Variants in SUCLG2 observed in about 807,000 individuals in gnomAD.
SUCLG2 encodes succinate-CoA ligase GDP-forming subunit beta.
A neutral mutation model predicts 47.9 loss-of-function variants in SUCLG2; 42 were observed. The observed-to-expected ratio is 0.88, with a 90% CI of 0.69 to 1.14. The LOEUF (loss-of-function observed/expected upper bound fraction) is 1.14, where lower values mean the gene tolerates loss of function less well. Ranked by LOEUF, SUCLG2 falls within the 50% of genes most tolerant of loss-of-function variation. The probability of loss-of-function intolerance (pLI) is 0.00; values close to 1 mark genes in which losing one functional copy is unlikely to be tolerated. For synonymous variants in SUCLG2, 195 were observed against 197.3 expected (o/e 0.99, Z 0.10); for missense variants, 571 against 525.9 (o/e 1.09, Z -0.84).
At chr3:67,598,687 C>T (rs1197447005) in intron 2 of SUCLG2, among the ~76,000 whole-genome samples, 1 of 152,172 alleles carries the variant, frequency 6.6e-6, no homozygotes, top group African/African-American at 2.4e-5. Flanking sequence ...CCCTGCATCA[C>T]CCAGTGTATG....
At chr3:67,438,891 G>T (rs1403752964) in intron 9 of SUCLG2, among the ~76,000 whole-genome samples, 1 of 152,138 alleles carries the variant, frequency 6.6e-6, no homozygotes, top group Non-Finnish European at 1.5e-5. Context: ...GTTTTATAAG[G>T]ACTGCATCAT....
At chr3:67,429,120 G>A (rs7617258) in intron 9 of SUCLG2, among the ~76,000 whole-genome samples, 2,414 of 152,180 alleles carry the variant, frequency 0.016, 80 homozygotes, top group African/African-American at 0.055. Context: ...GATACTCCTC[G>A]AGAAGAGCAA....
At chr3:67,498,386 G>C in intron 7 of SUCLG2, 91 bp from the exon 8 acceptor site, 1 of 1,323,448 alleles carries the variant, frequency 7.6e-7, no homozygotes, top group Non-Finnish European at 1.0e-6. Flanking sequence ...CGAAGGGAAA[G>C]TTAAGTACTG....
At chr3:67,536,483 T>A (rs564724986) in intron 2 of SUCLG2, among the ~76,000 whole-genome samples, 1 of 152,214 alleles carries the variant, frequency 6.6e-6, no homozygotes, top group South Asian at 2.1e-4. Flanking sequence ...TTCACTGCCA[T>A]CATTCACTGC....
chr3:67,410,579 A>G (rs1259566341), intron 9 of SUCLG2, among the ~76,000 whole-genome samples: 1 of 152,190 alleles, frequency 6.6e-6, no homozygotes, highest in Admixed American at 6.6e-5. Flanking sequence ...CCATTTGGAC[A>G]TTTAGAATGG....
chr3:67,581,512 A>C (rs1707877228), intron 2 of SUCLG2, among the ~76,000 whole-genome samples: 1 of 152,228 alleles, frequency 6.6e-6, no homozygotes, highest in African/African-American at 2.4e-5. Context: ...GATGGCTGCA[A>C]TTCTTTGCTT....
At chr3:67,536,103 A>G (rs1389755793) in intron 2 of SUCLG2, among the ~76,000 whole-genome samples, 1 of 152,194 alleles carries the variant, frequency 6.6e-6, no homozygotes, top group Admixed American at 6.5e-5. Flanking sequence ...GACCATAACC[A>G]GTGATGAGGA....
intron 10 of SUCLG2, among the ~76,000 whole-genome samples, chr3:67,360,951 T>C (rs1405647396): frequency 6.6e-6 from 1 of 152,218 alleles, no homozygotes; most frequent in Non-Finnish European, 1.5e-5. Flanking sequence ...TGTCTCTCTC[T>C]CGTTTATTGG....
At chr3:67,482,000 G>A (rs954213591) in intron 9 of SUCLG2, among the ~76,000 whole-genome samples, 11 of 152,192 alleles carry the variant, frequency 7.2e-5, no homozygotes, top group Admixed American at 3.9e-4. Flanking sequence ...CCAACAAGGC[G>A]AAGCCCTGTG....
chr3:67,442,015 T>TC (rs1475205949), intron 9 of SUCLG2, among the ~76,000 whole-genome samples: 2 of 149,258 alleles, frequency 1.3e-5, no homozygotes, highest in Non-Finnish European at 3.0e-5. Context: ...TTTCTTTCTT[T>TC]TTTTTTTTTT....
chr3:67,629,509 G>T (rs960709995), intron 1 of SUCLG2, among the ~76,000 whole-genome samples: 3 of 152,096 alleles, frequency 2.0e-5, no homozygotes, highest in African/African-American at 4.8e-5. Flanking sequence ...GGGAGGGGGG[G>T]GCGCCCATAT....
At chr3:67,584,826 C>A (rs1256420671) in intron 2 of SUCLG2, among the ~76,000 whole-genome samples, 3 of 152,020 alleles carry the variant, frequency 2.0e-5, no homozygotes, top group African/African-American at 7.2e-5. Flanking sequence ...CAGGAAGAGC[C>A]CCTTATAAAA....
chr3:67,568,173 G>A (rs1169086376), intron 2 of SUCLG2, among the ~76,000 whole-genome samples: 1 of 152,128 alleles, frequency 6.6e-6, no homozygotes, highest in East Asian at 1.9e-4. Context: ...TAAATGTACT[G>A]AAGAAAAGGG....
At chr3:67,563,896 C>T (rs1465713191) in intron 2 of SUCLG2, among the ~76,000 whole-genome samples, 1 of 147,508 alleles carries the variant, frequency 6.8e-6, no homozygotes, top group African/African-American at 2.5e-5. Flanking sequence ...GAGAGGCGAG[C>T]TTGCAGTGAG....
At chr3:67,650,261 T>C (rs1701263216) in intron 1 of SUCLG2, among the ~76,000 whole-genome samples, 1 of 152,248 alleles carries the variant, frequency 6.6e-6, no homozygotes, top group Non-Finnish European at 1.5e-5. Flanking sequence ...CCATAACCTT[T>C]AGTCCTTCAC....
At chr3:67,393,798 T>G (rs6548521) in intron 10 of SUCLG2, among the ~76,000 whole-genome samples, 4 of 152,010 alleles carry the variant, frequency 2.6e-5, no homozygotes, top group East Asian at 3.9e-4. Flanking sequence ...ACACCTCACA[T>G]GGCCGGGTAC....
At chr3:67,647,815 A>G (rs1689050248) in intron 1 of SUCLG2, among the ~76,000 whole-genome samples, 1 of 152,152 alleles carries the variant, frequency 6.6e-6, no homozygotes, top group South Asian at 2.1e-4. Context: ...CACCCCTCTG[A>G]GCCTCAGATT....
At chr3:67,409,398 A>G (rs1472338337) in intron 9 of SUCLG2, among the ~76,000 whole-genome samples, 1 of 152,146 alleles carries the variant, frequency 6.6e-6, no homozygotes, top group African/African-American at 2.4e-5. Flanking sequence ...ATCAATACAG[A>G]TTTTAGATAT....
At chr3:67,454,641 G>C (rs567284686) in intron 9 of SUCLG2, among the ~76,000 whole-genome samples, 21 of 152,226 alleles carry the variant, frequency 1.4e-4, no homozygotes, top group African/African-American at 5.1e-4. Flanking sequence ...CCTAAAAATA[G>C]GAACATTGTC....
Sources: allele counts gnomAD v4.1 joint callset (sites outside exome capture counted in the v4.1 genomes callset), GRCh38; gene constraint gnomAD v4.1.1; transcripts MANE v1.5; gene names NCBI Gene and HGNC (gene_info 2026-07-23, HGNC 2026-07-21).